Variants in ELMO1 observed in about 807,000 individuals in gnomAD.
ELMO1 encodes engulfment and cell motility 1.
A neutral mutation model predicts 98.9 loss-of-function variants in ELMO1; 26 were observed. The ratio of observed to expected loss-of-function variants is 0.26; its 90% confidence interval spans 0.19 to 0.36. ELMO1 has a LOEUF of 0.36. Among genes scored for constraint, ELMO1 ranks in the 10% least tolerant of loss-of-function variants. The pLI, the probability that ELMO1 is intolerant of heterozygous loss-of-function variation, is 1.00. For missense variants in ELMO1, 627 were observed against 935.2 expected, an observed-to-expected ratio of 0.67 and a Z score of 4.30; for synonymous variants, 346 against 346.0, an observed-to-expected ratio of 1.00 and a Z score of 0.00.
At chr7:37,245,258 C>T (rs1020913429) in intron 6 of ELMO1, among the ~76,000 whole-genome samples, 6 of 152,146 alleles carry the variant, frequency 3.9e-5, no homozygotes, top group Admixed American at 1.3e-4. Flanking sequence ...GCCCTGAGGA[C>T]ACATCAGCTA....
At chr7:37,190,342 A>G (rs1425251634) in intron 13 of ELMO1, among the ~76,000 whole-genome samples, 1 of 152,220 alleles carries the variant, frequency 6.6e-6, no homozygotes, top group Non-Finnish European at 1.5e-5. Flanking sequence ...AAGTCTCAAC[A>G]TGCTTTCTAC....
At chr7:37,360,095 T>C (rs1801642877) in intron 1 of ELMO1, among the ~76,000 whole-genome samples, 1 of 152,224 alleles carries the variant, frequency 6.6e-6, no homozygotes, top group Non-Finnish European at 1.5e-5. Context: ...CTTTTACCTT[T>C]TCACTTCATG....
At chr7:37,306,857 A>C (rs1798638956) in intron 4 of ELMO1, among the ~76,000 whole-genome samples, 1 of 152,234 alleles carries the variant, frequency 6.6e-6, no homozygotes, top group South Asian at 2.1e-4. Flanking sequence ...GTTAAAAAAA[A>C]AGAAGAGTTC....
chr7:37,052,615 GT>G (rs1796168680), intron 15 of ELMO1, among the ~76,000 whole-genome samples: 1 of 152,166 alleles, frequency 6.6e-6, no homozygotes, highest in Admixed American at 6.5e-5. Context: ...TGAATGTGAT[GT>G]TTCACCTGCC....
chr7:36,965,469 T>C (rs1028827910), intron 16 of ELMO1, among the ~76,000 whole-genome samples: 1 of 152,208 alleles, frequency 6.6e-6, no homozygotes, highest in Non-Finnish European at 1.5e-5. Flanking sequence ...AGGGAGGCAC[T>C]GGAGAAAATG....
chr7:37,238,584 C>T (rs73108995), intron 7 of ELMO1, among the ~76,000 whole-genome samples: 183 of 152,276 alleles, frequency 1.2e-3, no homozygotes, highest in Middle Eastern at 3.4e-3. Context: ...AAATCCTATA[C>T]AATGTTGAAC....
chr7:37,213,582 G>T, intron 11 of ELMO1, 125 bp from the exon 12 acceptor site: 1 of 842,836 alleles, frequency 1.2e-6, no homozygotes, highest in Non-Finnish European at 1.7e-6. Flanking sequence ...AGGAAGGTGA[G>T]GGCACAGGGA....
At chr7:36,902,881 G>C (rs1783679765) in intron 16 of ELMO1, among the ~76,000 whole-genome samples, 1 of 152,112 alleles carries the variant, frequency 6.6e-6, no homozygotes, top group Non-Finnish European at 1.5e-5. Context: ...CATTCTCATT[G>C]ACCTCTCCCT....
In ELMO1 at chr7:37,304,962, T is replaced by C. The variant is rs568320567; in HGVS notation, c.192+9888A>G. Among the ~76,000 whole-genome samples, 5 of 152,342 alleles carry C rather than the reference T, an allele frequency of 3.3e-5. No individual in the cohort carries two copies. In the South Asian group the frequency reaches 1.0e-3, roughly 32 times the overall value. ...GTGTGACTGTGCAAAGTTTTTCCTTTATTTAATGAAAAAGCGTGTGGGGGG... is the reference window on the plus strand; with the variant it reads ...GTGTGACTGTGCAAAGTTTTTCCTTCATTTAATGAAAAAGCGTGTGGGGGG... On this transcript the variant is annotated intron_variant, in intron 4 of 21. Transcript: ENST00000310758.
In ELMO1 at chr7:37,391,671, A is replaced by G. The variant is rs555237667; in HGVS notation, c.-73-48908T>C. Among the ~76,000 whole-genome samples the G allele has an allele frequency of 2.0e-3, 308 of 152,318 alleles. 5 individuals are homozygous for G. Among genetic ancestry groups the G allele is most frequent in the Non-Finnish European group, 3.1e-4 (21 of 68,030 alleles). On this transcript the variant is annotated intron_variant, in intron 1 of 21. Coordinates refer to ENST00000310758, the MANE Select transcript of ELMO1 (RefSeq NM_014800.11). ...AGCCACTGAGCCATCCAGAGACCCC[A>G]GTTGGGGGCCGACTTGCATGCCACA...
chr7:37,001,339 C>T (rs969583035), intron 16 of ELMO1, among the ~76,000 whole-genome samples: 1 of 152,116 alleles, frequency 6.6e-6, no homozygotes, highest in African/African-American at 2.4e-5. Context: ...GTCAGGTGGA[C>T]CATTTTTAAT....
At chr7:37,236,252 G>T (rs1349252064) in intron 7 of ELMO1, among the ~76,000 whole-genome samples, 1 of 152,192 alleles carries the variant, frequency 6.6e-6, no homozygotes, top group Non-Finnish European at 1.5e-5. Flanking sequence ...AAGCTGGAGA[G>T]AAGGAGAAAA....
chr7:37,215,516 C>A (rs181216519), intron 11 of ELMO1, among the ~76,000 whole-genome samples: 48 of 152,282 alleles, frequency 3.2e-4, no homozygotes, highest in East Asian at 9.7e-4. Flanking sequence ...ACCCACCCCC[C>A]ACTCCTCTAC....
intron 1 of ELMO1, among the ~76,000 whole-genome samples, chr7:37,433,765 T>C (rs2131571007): frequency 6.6e-6 from 1 of 152,240 alleles, no homozygotes; most frequent in East Asian, 1.9e-4. Flanking sequence ...AGTCTTTATG[T>C]CCCTGAAAAC....
chr7:37,137,459 T>C (rs1787343509), intron 13 of ELMO1, among the ~76,000 whole-genome samples: 1 of 152,032 alleles, frequency 6.6e-6, no homozygotes, highest in Non-Finnish European at 1.5e-5. Context: ...ACCCAACAAC[T>C]GCAGAATACA....
At chr7:37,394,189 T>C (rs1210942873) in intron 1 of ELMO1, among the ~76,000 whole-genome samples, 1 of 152,186 alleles carries the variant, frequency 6.6e-6, no homozygotes, top group African/African-American at 2.4e-5. Flanking sequence ...TCTCACAGAA[T>C]ACTCTTACTA....
chr7:37,239,453 C>A (rs1794647010), intron 7 of ELMO1, among the ~76,000 whole-genome samples: 1 of 152,178 alleles, frequency 6.6e-6, no homozygotes, highest in African/African-American at 2.4e-5. Flanking sequence ...GCGTGAGCCA[C>A]CGCGCCCAGC....
chr7:37,117,366 G>A (rs1026153424), intron 14 of ELMO1, among the ~76,000 whole-genome samples: 1 of 152,148 alleles, frequency 6.6e-6, no homozygotes, highest in East Asian at 1.9e-4. Context: ...AAGAACACAG[G>A]TGAGCATCCG....
chr7:36,865,208 A>G (rs966367319), intron 20 of ELMO1, among the ~76,000 whole-genome samples: 1 of 152,160 alleles, frequency 6.6e-6, no homozygotes, highest in Non-Finnish European at 1.5e-5. Flanking sequence ...CATTCACTTA[A>G]CTATGTTGGT....
Sources: allele counts gnomAD v4.1 joint callset (sites outside exome capture counted in the v4.1 genomes callset), GRCh38; gene constraint gnomAD v4.1.1; transcripts MANE v1.5; gene names NCBI Gene and HGNC (gene_info 2026-07-23, HGNC 2026-07-21).